Variants in KCNB2 observed in about 807,000 individuals in gnomAD.
KCNB2 encodes delayed rectifier potassium channel protein.
A neutral mutation model predicts 61.5 loss-of-function variants in KCNB2; 15 were observed. That is an observed-to-expected ratio of 0.24 (90% confidence interval 0.16 to 0.38). The LOEUF is 0.38. Ranked by LOEUF, KCNB2 falls within the 10% of genes least tolerant of loss-of-function variation. The pLI is 1.00. For synonymous variants in KCNB2, 457 were observed against 446.0 expected (o/e 1.02, Z -0.31); for missense variants, 828 against 1,125.2 (o/e 0.74, Z 3.78).
At position 72,901,245 on chromosome 8, in the gene KCNB2, G is replaced by A. The variant is rs548073116; in HGVS notation, c.580-34690G>A. Among the ~76,000 whole-genome samples the A allele has an allele frequency of 2.0e-5, 3 of 152,296 alleles. No individual in the cohort carries two copies. In the South Asian group the frequency reaches 6.2e-4, roughly 32 times the overall value. ...TGCAGGAGATGACTCTAACAGTACA[G>A]TGAGGGGGAGGTGGCAGACTATCTG... is the stretch of plus-strand genomic sequence containing the variant. On this transcript the variant is annotated intron_variant, in intron 2 of 2. Coordinates refer to ENST00000523207, the MANE Select transcript of KCNB2 (RefSeq NM_004770.3).
Position 72,938,075 on chromosome 8 carries a change from G to T in KCNB2, c.2720G>T (p.Arg907Leu). Residue 907 changes from arginine (R) to leucine (L), a missense_variant, in exon 3 of 3, where the codon CGT becomes CTT. By Grantham distance (102) the Arg-to-Leu change is moderately radical (BLOSUM62 -2). This residue lies in a region of KCNB2 where 559 missense variants were observed against 588.4 expected (regional missense o/e 0.95). Coordinates refer to ENST00000523207, the MANE Select transcript of KCNB2 (RefSeq NM_004770.3). Reference sequence around the variant, plus strand: ...GGAGACACAGGTTATTGTCCCACACGTGAAACCAGCATGTGACTAGTTACA... The same window carrying T: ...GGAGACACAGGTTATTGTCCCACACTTGAAACCAGCATGTGACTAGTTACA... ...NPGDTGYCPT[R>L]ETSM 6.2e-7 allele frequency: 1 copy of T among 1,606,330 alleles called. No individual in the cohort carries two copies. Among genetic ancestry groups the T allele is most frequent in the Non-Finnish European group, 8.5e-7 (1 of 1,176,328 alleles).
chr8:72,821,824 A>G (rs1260698271), intron 2 of KCNB2, among the ~76,000 whole-genome samples: 1 of 152,072 alleles, frequency 6.6e-6, no homozygotes, highest in Non-Finnish European at 1.5e-5. Context: ...GAAGGGAAGG[A>G]TGGAGGGAGG....
intron 2 of KCNB2, among the ~76,000 whole-genome samples, chr8:72,673,973 T>A (rs962880438): frequency 1.3e-5 from 2 of 152,204 alleles, no homozygotes; most frequent in African/African-American, 4.8e-5. Context: ...TACCGTAATT[T>A]AAAAAATGAA....
intron 2 of KCNB2, among the ~76,000 whole-genome samples, chr8:72,663,477 C>T (rs760495797): frequency 6.6e-6 from 1 of 152,092 alleles, no homozygotes; most frequent in Middle Eastern, 3.2e-3. Flanking sequence ...TGAATGTGTG[C>T]CATGCTGGGT....
In KCNB2 at chr8:72,725,547, ATATATATATGTATATATG is replaced by A. The variant is rs1442882951; in HGVS notation, c.579+157252_579+157269del. Among the ~76,000 whole-genome samples the A allele has an allele frequency of 7.2e-3, 759 of 105,886 alleles. 18 individuals are homozygous for A. The East Asian group carries it at 0.073, about 10-fold the overall frequency. The allele number at this position is 105,886 out of a possible 152,430, so 69.5% of individuals were successfully genotyped here. A position where few individuals can be genotyped will look rare whatever the true frequency, so the allele number is the denominator to read the frequency against. ...TATATATATATATATATATGTGTGT[ATATATATATGTATATATG>A]TATATATATGTATATATATATGTAT... is the stretch of plus-strand genomic sequence containing the variant. On this transcript the variant is annotated intron_variant, in intron 2 of 2. Coordinates refer to ENST00000523207, the MANE Select transcript of KCNB2 (RefSeq NM_004770.3).
chr8:72,721,345 A>G (rs2128992773), intron 2 of KCNB2, among the ~76,000 whole-genome samples: 1 of 152,358 alleles, frequency 6.6e-6, no homozygotes, highest in East Asian at 1.9e-4. Flanking sequence ...AAATGAGTTC[A>G]GTGTGCTCTT....
rs1284635979 is a variant in KCNB2, at chr8:72,540,781, AACCCTCTT to A, written c.-94+2898_-94+2905del. The stretch of plus-strand genomic sequence containing the variant: ...GTAATCCCTTGACTTGTGTAAGCCA[AACCCTCTT>A]ATATTATCTTAAAAAGTGCGTATTC... On this transcript the variant is annotated intron_variant, in intron 1 of 2. Coordinates refer to ENST00000523207, the MANE Select transcript of KCNB2 (RefSeq NM_004770.3). 4.1e-3 allele frequency among the ~76,000 whole-genome samples: 626 copies of A among 152,220 alleles called. 8 individuals carry two copies. Among genetic ancestry groups the A allele is most frequent in the African/African-American group, 0.014 (591 of 41,540 alleles).
intron 2 of KCNB2, among the ~76,000 whole-genome samples, chr8:72,674,121 G>A (rs753934005): frequency 3.9e-5 from 6 of 152,154 alleles, no homozygotes; most frequent in South Asian, 4.1e-4. Flanking sequence ...AGTGATAAGG[G>A]CATAGGCTAT....
chr8:72,739,613 A>T (rs1040434107), intron 2 of KCNB2, among the ~76,000 whole-genome samples: 1 of 151,922 alleles, frequency 6.6e-6, no homozygotes, highest in African/African-American at 2.4e-5. Context: ...AAATCTGGAA[A>T]ATTACATATG....
At chr8:72,602,722 G>T (rs550468214) in intron 2 of KCNB2, among the ~76,000 whole-genome samples, 1 of 152,120 alleles carries the variant, frequency 6.6e-6, no homozygotes, top group Non-Finnish European at 1.5e-5. Context: ...GAAGTCGGCT[G>T]GTTGAATTCA....
intron 2 of KCNB2, among the ~76,000 whole-genome samples, chr8:72,591,313 C>T (rs922740252): frequency 2.6e-5 from 4 of 152,144 alleles, no homozygotes; most frequent in African/African-American, 9.7e-5. Flanking sequence ...TGATCTGCTT[C>T]TTTCAGGGCA....
At chr8:72,792,674 A>G (rs1001802278) in intron 2 of KCNB2, among the ~76,000 whole-genome samples, 1 of 152,138 alleles carries the variant, frequency 6.6e-6, no homozygotes, top group African/African-American at 2.4e-5. Context: ...ATATTTTTAA[A>G]TTTTCCTAGA....
chr8:72,693,021 GA>G (rs1256191601), intron 2 of KCNB2, among the ~76,000 whole-genome samples: 2 of 152,008 alleles, frequency 1.3e-5, no homozygotes, highest in Non-Finnish European at 2.9e-5. Context: ...TTTTGATAAT[GA>G]AAAAATAAGA....
chr8:72,748,136 T>A (rs546008542), intron 2 of KCNB2, among the ~76,000 whole-genome samples: 1 of 152,332 alleles, frequency 6.6e-6, no homozygotes, highest in South Asian at 2.1e-4. Context: ...AGCAATATAA[T>A]TTAAAAGTGG....
At position 72,916,600 on chromosome 8, in the gene KCNB2, C is replaced by T. The variant is rs531381431; in HGVS notation, c.580-19335C>T. ...TGTTAATAGCTCAGTGTAGGTTCAG[C>T]GTGACAGCCTTTTGCATCTGCACTC... is the stretch of plus-strand genomic sequence containing the variant. On this transcript the variant is annotated intron_variant, in intron 2 of 2. Transcript: ENST00000523207. Among the ~76,000 whole-genome samples, 32 of 152,236 alleles carry T rather than the reference C, an allele frequency of 2.1e-4. 1 individual carries two copies. In the South Asian group the frequency reaches 6.0e-3, roughly 29 times the overall value.
intron 2 of KCNB2, among the ~76,000 whole-genome samples, chr8:72,899,359 A>G (rs969739408): frequency 1.3e-5 from 2 of 152,302 alleles, no homozygotes; most frequent in African/African-American, 2.4e-5. Context: ...CCTATTCAAC[A>G]TAGTACTGGA....
intron 2 of KCNB2, among the ~76,000 whole-genome samples, chr8:72,882,649 C>T (rs1805736211): frequency 6.6e-6 from 1 of 151,288 alleles, no homozygotes; most frequent in Non-Finnish European, 1.5e-5. Flanking sequence ...GCAGCTGGTG[C>T]TTTCTCTGCC....
At chr8:72,863,057 T>C (rs1473725564) in intron 2 of KCNB2, among the ~76,000 whole-genome samples, 2 of 152,234 alleles carry the variant, frequency 1.3e-5, no homozygotes, top group African/African-American at 4.8e-5. Flanking sequence ...TCTTTTTAAT[T>C]ACAATATAAT....
chr8:72,838,192 G>GC (rs935206866), intron 2 of KCNB2, among the ~76,000 whole-genome samples: 58 of 152,032 alleles, frequency 3.8e-4, no homozygotes, highest in African/African-American at 1.2e-3. Context: ...CTGTATATGT[G>GC]CCATGTTGGT....
Sources: gnomAD v4.1 joint callset for allele counts (sites outside exome capture counted in the v4.1 genomes callset) on GRCh38, gnomAD v4.1.1 for gene constraint, gnomAD v4.1.1 regional missense constraint, MANE v1.5 for transcripts, NCBI Gene and HGNC (gene_info 2026-07-23, HGNC 2026-07-21) for gene names.